The following PCDHA4 variants were observed in gnomAD, a reference collection of about 807,000 sequenced individuals.
PCDHA4 encodes protocadherin alpha 4.
PCDHA4 carries 49 observed loss-of-function variants against 61.4 expected under a neutral mutation model. The observed-to-expected ratio is 0.80, with a 90% CI of 0.63 to 1.01. The LOEUF (loss-of-function observed/expected upper bound fraction) is 1.01, where lower values mean the gene tolerates loss of function less well. Ranked by LOEUF, PCDHA4 falls within the 50% of genes least tolerant of loss-of-function variation. PCDHA4 has a pLI of 0.00. For synonymous variants in PCDHA4, 590 were observed against 550.3 expected (o/e 1.07, Z -1.01); for missense variants, 1,254 against 1,235.8 (o/e 1.01, Z -0.22).
At chr5:140,971,527 A>G (rs116818549) in intron 1 of PCDHA4, among the ~76,000 whole-genome samples, 2,035 of 152,284 alleles carry the variant, frequency 0.013, 20 homozygotes, top group Middle Eastern at 0.054. Context: ...CAGTTCTGAA[A>G]GTCATCATTG....
chr5:140,810,905 G>T (rs187212503), intron 1 of PCDHA4: 3 of 151,982 alleles, frequency 2.0e-5, no homozygotes, highest in Non-Finnish European at 4.4e-5. Context: ...ATTTTCTGTG[G>T]TATCTTTTAT....
At chr5:140,994,753 G>T (rs143791883) in intron 3 of PCDHA4, among the ~76,000 whole-genome samples, 6 of 152,252 alleles carry the variant, frequency 3.9e-5, no homozygotes, top group Non-Finnish European at 7.3e-5. Context: ...AGTAGGATGT[G>T]GAGAGGAAGA....
chr5:140,883,702 T>G (rs367854871), intron 1 of PCDHA4: 3 of 1,613,750 alleles, frequency 1.9e-6, no homozygotes, highest in Non-Finnish European at 2.5e-6. Flanking sequence ...TCACGGTGTC[T>G]GCTCAGGACG....
At chr5:141,001,702 G>C (rs2098033163) in intron 3 of PCDHA4, among the ~76,000 whole-genome samples, 1 of 152,194 alleles carries the variant, frequency 6.6e-6, no homozygotes, top group Non-Finnish European at 1.5e-5. Flanking sequence ...GGCGAAATAG[G>C]GGGCGGGGAA....
intron 1 of PCDHA4, chr5:140,829,297 G>C: frequency 1.9e-6 from 3 of 1,614,238 alleles, no homozygotes; most frequent in Non-Finnish European, 8.5e-7. Context: ...CCACCTTCAA[G>C]AATTACTACT....
intron 3 of PCDHA4, among the ~76,000 whole-genome samples, chr5:140,983,886 T>C (rs1280409622): frequency 1.3e-5 from 2 of 152,206 alleles, no homozygotes; most frequent in Non-Finnish European, 2.9e-5. Flanking sequence ...CTGGCAACTT[T>C]AAGGGCATTC....
intron 1 of PCDHA4, chr5:140,850,513 G>C (rs782718204): frequency 2.5e-6 from 4 of 1,598,108 alleles, no homozygotes; most frequent in Non-Finnish European, 2.6e-6. Flanking sequence ...GTGGAGAGCG[G>C]CCAGGCGCCA....
At chr5:140,895,935 C>T (rs922054631) in intron 1 of PCDHA4, among the ~76,000 whole-genome samples, 20 of 152,028 alleles carry the variant, frequency 1.3e-4, no homozygotes, top group African/African-American at 4.1e-4. Flanking sequence ...CTCAGCCTCC[C>T]GAGTAGCTGG....
intron 1 of PCDHA4, among the ~76,000 whole-genome samples, chr5:140,903,237 T>G (rs1191816509): frequency 1.3e-5 from 2 of 152,194 alleles, no homozygotes; most frequent in Non-Finnish European, 2.9e-5. Flanking sequence ...ACTTTTTGAT[T>G]TTTAAATTAT....
chr5:140,842,811 G>T (rs1554139410), intron 1 of PCDHA4: 3 of 1,594,022 alleles, frequency 1.9e-6, no homozygotes, highest in Non-Finnish European at 2.6e-6. Flanking sequence ...CTTGTGGAGC[G>T]GCGGGTGGGC....
intron 1 of PCDHA4, among the ~76,000 whole-genome samples, chr5:140,892,759 T>C (rs1422670120): frequency 2.0e-5 from 3 of 152,206 alleles, no homozygotes; most frequent in African/African-American, 4.8e-5. Context: ...ACATTTAAAA[T>C]CCACTCTTCT....
chr5:140,967,287 A>G (rs1458692984), intron 1 of PCDHA4: 1 of 1,612,826 alleles, frequency 6.2e-7, no homozygotes, highest in Non-Finnish European at 8.5e-7. Flanking sequence ...AGTGCGCAGG[A>G]CCCCGACGTG....
chr5:140,877,276 G>C, intron 1 of PCDHA4: 2 of 1,613,862 alleles, frequency 1.2e-6, no homozygotes, highest in Non-Finnish European at 1.7e-6. Flanking sequence ...CGCTGACTCC[G>C]GCTATAACGC....
intron 1 of PCDHA4, chr5:140,817,577 T>G (rs1766160739): frequency 1.3e-5 from 2 of 152,348 alleles, no homozygotes; most frequent in South Asian, 2.1e-4. Context: ...ATTAAATCAA[T>G]AATTTTAATA....
chr5:141,007,481 T>C (rs2098332347), intron 3 of PCDHA4, among the ~76,000 whole-genome samples: 1 of 151,600 alleles, frequency 6.6e-6, no homozygotes, highest in Non-Finnish European at 1.5e-5. Context: ...GGCACGAGAA[T>C]TACTTGGACC....
At chr5:140,869,740 A>G in intron 1 of PCDHA4, 1 of 1,613,346 alleles carries the variant, frequency 6.2e-7, no homozygotes, top group Non-Finnish European at 8.5e-7. Flanking sequence ...TTTGCTGCTA[A>G]CAGCTACAGA....
intron 1 of PCDHA4, chr5:140,828,744 G>C: frequency 6.2e-7 from 1 of 1,614,228 alleles, no homozygotes; most frequent in Non-Finnish European, 8.5e-7. Flanking sequence ...ACAGATGGGG[G>C]CAAACCTGAG....
At chr5:140,870,702 G>A in intron 1 of PCDHA4, 2 of 1,613,072 alleles carry the variant, frequency 1.2e-6, no homozygotes, top group African/African-American at 1.3e-5. Context: ...TACAGTTCCA[G>A]GTGAGCGCGC....
chr5:140,955,284 T>C (rs1207930664), intron 1 of PCDHA4, among the ~76,000 whole-genome samples: 1 of 152,170 alleles, frequency 6.6e-6, no homozygotes, highest in African/African-American at 2.4e-5. Context: ...CATATTGATA[T>C]GGTTTGGCTG....
Sources: gnomAD v4.1 joint callset for allele counts (sites outside exome capture counted in the v4.1 genomes callset) on GRCh38, gnomAD v4.1.1 for gene constraint, MANE v1.5 for transcripts, NCBI Gene and HGNC (gene_info 2026-07-23, HGNC 2026-07-21) for gene names.